IDO2: variants seen among roughly 807,000 people sequenced by gnomAD.
IDO2 encodes indoleamine 2,3-dioxygenase 2.
A neutral mutation model predicts 45.1 loss-of-function variants in IDO2; 46 were observed. The observed-to-expected ratio is 1.02, with a 90% CI of 0.80 to 1.30. IDO2 has a LOEUF of 1.30. IDO2 is among the 50% of genes most tolerant of loss of function. IDO2 has a pLI of 0.00. For missense variants in IDO2, 544 were observed against 491.8 expected, an observed-to-expected ratio of 1.11 and a Z score of -1.00; for synonymous variants, 218 against 184.9, an observed-to-expected ratio of 1.18 and a Z score of -1.45.
rs191762434 is a variant in IDO2, at chr8:40,016,189, C to T, written c.*587C>T. 292 of 397,486 alleles carry T rather than the reference C, an allele frequency of 7.3e-4. 1 individual carries two copies. The Admixed American group carries it at 8.4e-3, about 11-fold the overall frequency. 24.6% of individuals were successfully genotyped at this position (397,486 alleles called of 1,614,324 possible). A position where few individuals can be genotyped will look rare whatever the true frequency, so the allele number is the denominator to read the frequency against. ...AAATGAGCAGTTAATGATATGGGAA[C>T]GGATGAGACTTTCCACGTGGTACCT... On this transcript the variant is annotated 3_prime_UTR_variant, in exon 11 of 11. Transcript: ENST00000502986.
chr8:39,989,076 CT>C (rs912809100), intron 7 of IDO2, among the ~76,000 whole-genome samples: 3 of 152,120 alleles, frequency 2.0e-5, no homozygotes, highest in Non-Finnish European at 2.9e-5. Flanking sequence ...ACTCATAGTT[CT>C]GCATGGATGG....
chr8:39,953,085 G>T (rs191772585), intron 2 of IDO2, among the ~76,000 whole-genome samples: 79 of 152,154 alleles, frequency 5.2e-4, no homozygotes, highest in African/African-American at 1.9e-3. Flanking sequence ...TGTATTTTTA[G>T]TAGAGACAGG....
At chr8:40,013,448 C>G in intron 9 of IDO2, 117 bp from the exon 10 acceptor site, 1 of 1,019,902 alleles carries the variant, frequency 9.8e-7, no homozygotes, top group Non-Finnish European at 1.5e-6. Flanking sequence ...AATCCCTCAC[C>G]CTAAAATTAC....
chr8:39,964,431 C>T (rs1019629401), intron 3 of IDO2, among the ~76,000 whole-genome samples: 3 of 152,188 alleles, frequency 2.0e-5, no homozygotes, highest in African/African-American at 7.2e-5. Flanking sequence ...CCTATAATAG[C>T]ATTCAGTATA....
intron 2 of IDO2, among the ~76,000 whole-genome samples, chr8:39,961,911 C>T (rs1808003514): frequency 6.6e-6 from 1 of 152,100 alleles, no homozygotes; most frequent in Non-Finnish European, 1.5e-5. Flanking sequence ...GAAAAAGAGC[C>T]TCAGGTTAGG....
chr8:39,955,081 T>C (rs1807870360), intron 2 of IDO2, among the ~76,000 whole-genome samples: 1 of 151,158 alleles, frequency 6.6e-6, no homozygotes, highest in South Asian at 2.1e-4. Flanking sequence ...AATACAGTTA[T>C]ATTTTTAGGT....
intron 5 of IDO2, chr8:39,985,132 C>G: frequency 3.2e-6 from 1 of 311,334 alleles, no homozygotes; most frequent in South Asian, 3.0e-5. Flanking sequence ...GGTTTTACCA[C>G]GTTGGCCAGT....
intron 2 of IDO2, among the ~76,000 whole-genome samples, chr8:39,963,004 C>T (rs1169844335): frequency 2.0e-5 from 3 of 152,244 alleles, no homozygotes; most frequent in Non-Finnish European, 4.4e-5. Flanking sequence ...GGAGTCTGGC[C>T]TTTCAGCCTT....
rs193018920 is a variant in IDO2, at chr8:39,963,552, G to A, written c.100-56G>A. The A allele has an allele frequency of 5.3e-3, 5,294 of 997,486 alleles. 25 individuals are homozygous for A. Among genetic ancestry groups the A allele is most frequent in the Admixed American group, 6.7e-3 (283 of 41,966 alleles). The allele number at this position is 997,486 out of a possible 1,614,324, so 61.8% of individuals were successfully genotyped here. On this transcript the variant is annotated intron_variant, in intron 2 of 10. Coordinates refer to ENST00000502986, the Ensembl canonical transcript of IDO2. Reference sequence around the variant, plus strand: ...CTGAAATGTGAAAATAGCTACTCTCGGAAGCCCCTTTCCAGAGAGGTCTAA... The same window carrying A: ...CTGAAATGTGAAAATAGCTACTCTCAGAAGCCCCTTTCCAGAGAGGTCTAA...
intron 5 of IDO2, chr8:39,985,251 C>T (rs375692101): frequency 2.3e-5 from 12 of 521,304 alleles, no homozygotes; most frequent in African/African-American, 5.8e-5. Flanking sequence ...AAGATGGCCA[C>T]AGGCCAAATA....
At chr8:39,994,442 A>G (rs1802000213) in intron 8 of IDO2, among the ~76,000 whole-genome samples, 1 of 152,022 alleles carries the variant, frequency 6.6e-6, no homozygotes, top group African/African-American at 2.4e-5. Flanking sequence ...TTTTTAGTAG[A>G]GACGGGCTTT....
intron 8 of IDO2, among the ~76,000 whole-genome samples, chr8:40,002,636 A>C (rs1226472356): frequency 6.6e-6 from 1 of 152,050 alleles, no homozygotes; most frequent in African/African-American, 2.4e-5. Context: ...AAATACAAAA[A>C]TTAGCTGGAC....
chr8:39,968,002 C>A (rs950726917), intron 3 of IDO2, among the ~76,000 whole-genome samples: 3 of 148,118 alleles, frequency 2.0e-5, no homozygotes, highest in African/African-American at 7.5e-5. Context: ...AGCATTTATC[C>A]AAGTAAATGG....
intron 1 of IDO2, among the ~76,000 whole-genome samples, chr8:39,946,260 C>T (rs1219134761): frequency 6.6e-6 from 1 of 152,220 alleles, no homozygotes; most frequent in African/African-American, 2.4e-5. Flanking sequence ...GATTTCATCT[C>T]TGACCCGTCA....
chr8:39,988,565 C>T (rs1808456825), intron 7 of IDO2, among the ~76,000 whole-genome samples: 1 of 152,082 alleles, frequency 6.6e-6, no homozygotes, highest in Admixed American at 6.6e-5. Context: ...CTAAGTAGTG[C>T]ACGCCACCAC....
Position 39,982,774 on chromosome 8 carries a change from A to C in IDO2, c.434+4A>C. On this transcript the variant is annotated splice_donor_region_variant and intron_variant, in intron 5 of 10. Coordinates refer to ENST00000502986, the Ensembl canonical transcript of IDO2. ...GGACCAAAAAAGATCCAGACGGGTAAGGAAGGAAGAGAATGCTTTGAATTT... is the reference window on the plus strand; with the variant it reads ...GGACCAAAAAAGATCCAGACGGGTACGGAAGGAAGAGAATGCTTTGAATTT... The C allele has an allele frequency of 6.5e-7, 1 of 1,527,830 alleles. No individual in the cohort carries two copies. The highest frequency in any genetic ancestry group is 8.9e-7 in the Non-Finnish European group (1 of 1,119,800). 94.6% of individuals were successfully genotyped at this position (1,527,830 alleles called of 1,614,324 possible).
At chr8:40,003,900 T>A (rs1419968275) in intron 8 of IDO2, among the ~76,000 whole-genome samples, 1 of 152,220 alleles carries the variant, frequency 6.6e-6, no homozygotes, top group Non-Finnish European at 1.5e-5. Flanking sequence ...TAAGAACATC[T>A]CTTATTCCTA....
intron 3 of IDO2, among the ~76,000 whole-genome samples, chr8:39,978,802 CT>C (rs1808298777): frequency 2.0e-5 from 3 of 152,064 alleles, no homozygotes; most frequent in Admixed American, 2.0e-4. Flanking sequence ...AGACGGGAGG[CT>C]GCCACAGCCA....
chr8:39,966,186 G>A (rs189646094), intron 3 of IDO2, among the ~76,000 whole-genome samples: 10 of 151,938 alleles, frequency 6.6e-5, no homozygotes, highest in African/African-American at 1.2e-4. Context: ...CCGCCACCAT[G>A]CCCATGTAAT....
Sources: gnomAD v4.1 joint callset for allele counts (sites outside exome capture counted in the v4.1 genomes callset) on GRCh38, gnomAD v4.1.1 for gene constraint, MANE v1.5 for transcripts, NCBI Gene and HGNC (gene_info 2026-07-23, HGNC 2026-07-21) for gene names.